Variants in PDSS2 observed in about 807,000 individuals in gnomAD.
PDSS2 encodes the protein all trans-polyprenyl-diphosphate synthase PDSS2.
A neutral mutation model predicts 44.5 loss-of-function variants in PDSS2; 31 were observed. The ratio of observed to expected loss-of-function variants is 0.70; its 90% CI spans 0.52 to 0.94. The LOEUF is 0.94. Among genes scored for constraint, PDSS2 ranks in the 40% least tolerant of loss-of-function variants. PDSS2 has a pLI of 0.00. For synonymous variants in PDSS2, 157 were observed against 180.3 expected (o/e 0.87, Z 1.03); for missense variants, 452 against 482.2 (o/e 0.94, Z 0.59).
At chr6:107,262,920 C>T (rs1775290510) in intron 3 of PDSS2, among the ~76,000 whole-genome samples, 1 of 151,750 alleles carries the variant, frequency 6.6e-6, no homozygotes, top group Non-Finnish European at 1.5e-5. Context: ...GTAGTGAGAC[C>T]TTGTCTCTAT....
intron 2 of PDSS2, among the ~76,000 whole-genome samples, chr6:107,286,965 G>T (rs932893073): frequency 6.6e-6 from 1 of 152,200 alleles, no homozygotes; most frequent in South Asian, 2.1e-4. Flanking sequence ...GCTTGAACCC[G>T]GGAGGTGGAG....
At position 107,403,024 on chromosome 6, in the gene PDSS2, A is replaced by C. The variant is rs112829377; in HGVS notation, c.296+55966T>G. Among the ~76,000 whole-genome samples, 1,401 of 152,304 alleles carry C rather than the reference A, an allele frequency of 9.2e-3. 18 individuals carry two copies. Among genetic ancestry groups the C allele is most frequent in the African/African-American group, 0.029 (1,202 of 41,558 alleles). On this transcript the variant is annotated intron_variant, in intron 1 of 7. Transcript: ENST00000369037. Reference sequence around the variant, plus strand: ...CAAAGACTTAGCTCATTACAGCATTAAACCAAAAGTCGAAGTCCAAAGTTT... The same window carrying C: ...CAAAGACTTAGCTCATTACAGCATTCAACCAAAAGTCGAAGTCCAAAGTTT...
intron 1 of PDSS2, among the ~76,000 whole-genome samples, chr6:107,412,179 C>T (rs1371164353): frequency 3.4e-5 from 5 of 147,498 alleles, no homozygotes; most frequent in African/African-American, 1.0e-4. Flanking sequence ...TCAGCCACCG[C>T]GCCTGGCAAC....
At chr6:107,200,407 G>T (rs1772728873) in intron 6 of PDSS2, among the ~76,000 whole-genome samples, 1 of 152,122 alleles carries the variant, frequency 6.6e-6, no homozygotes, top group Admixed American at 6.5e-5. Flanking sequence ...TGGATGTATT[G>T]GAATCACCTG....
chr6:107,386,419 T>C (rs1779614529), intron 1 of PDSS2, among the ~76,000 whole-genome samples: 1 of 151,772 alleles, frequency 6.6e-6, no homozygotes, highest in Non-Finnish European at 1.5e-5. Context: ...GGATCCTATA[T>C]TTAAGTGTTA....
intron 3 of PDSS2, among the ~76,000 whole-genome samples, chr6:107,260,321 C>T (rs1037077185): frequency 5.3e-5 from 8 of 152,172 alleles, no homozygotes; most frequent in Non-Finnish European, 8.8e-5. Context: ...TATAAACCAA[C>T]TTTGGCTTAG....
At chr6:107,373,971 C>T (rs1236407627) in intron 1 of PDSS2, among the ~76,000 whole-genome samples, 1 of 152,056 alleles carries the variant, frequency 6.6e-6, no homozygotes, top group Admixed American at 6.6e-5. Context: ...AAAATTATCA[C>T]CAGCTGGGTG....
chr6:107,380,776 T>C (rs904881324), intron 1 of PDSS2, among the ~76,000 whole-genome samples: 4 of 152,226 alleles, frequency 2.6e-5, no homozygotes, highest in East Asian at 1.9e-4. Context: ...AATTATCTGA[T>C]AAATCTATTA....
At chr6:107,203,188 A>G (rs1772846819) in intron 6 of PDSS2, among the ~76,000 whole-genome samples, 1 of 152,170 alleles carries the variant, frequency 6.6e-6, no homozygotes, top group South Asian at 2.1e-4. Context: ...CACCATGTCA[A>G]GAACCTAAGT....
intron 7 of PDSS2, among the ~76,000 whole-genome samples, chr6:107,161,428 C>T (rs1420878912): frequency 1.3e-5 from 2 of 149,406 alleles, no homozygotes; most frequent in Non-Finnish European, 3.0e-5. Flanking sequence ...TGCAGTGAGC[C>T]GAGATTGTGC....
At chr6:107,272,589 T>C (rs891488075) in intron 3 of PDSS2, among the ~76,000 whole-genome samples, 4 of 152,248 alleles carry the variant, frequency 2.6e-5, no homozygotes, top group African/African-American at 9.6e-5. Flanking sequence ...TCCTATCTTA[T>C]AGGGCACTGT....
At chr6:107,319,027 T>TAC (rs947650535) in intron 2 of PDSS2, among the ~76,000 whole-genome samples, 67 of 82,506 alleles carry the variant, frequency 8.1e-4, no homozygotes, top group Admixed American at 3.0e-3. Context: ...CACACACACA[T>TAC]ACACACACAC....
At chr6:107,305,139 T>C (rs1776815351) in intron 2 of PDSS2, among the ~76,000 whole-genome samples, 1 of 152,166 alleles carries the variant, frequency 6.6e-6, no homozygotes, top group Non-Finnish European at 1.5e-5. Context: ...CAGACAATGC[T>C]TCTACAATCA....
At chr6:107,186,013 T>G (rs1040392251) in intron 7 of PDSS2, among the ~76,000 whole-genome samples, 1 of 152,218 alleles carries the variant, frequency 6.6e-6, no homozygotes, top group African/African-American at 2.4e-5. Context: ...AGGTAAGATA[T>G]TCCTTGTTTT....
intron 1 of PDSS2, among the ~76,000 whole-genome samples, chr6:107,354,188 T>C (rs147887855): frequency 7.6e-4 from 116 of 152,358 alleles, no homozygotes; most frequent in African/African-American, 2.7e-3. Context: ...ATAGTCTACC[T>C]TGGCAAGACT....
intron 2 of PDSS2, among the ~76,000 whole-genome samples, chr6:107,332,846 T>A (rs1044411052): frequency 6.6e-6 from 1 of 152,234 alleles, no homozygotes; most frequent in African/African-American, 2.4e-5. Flanking sequence ...ATATGAACCA[T>A]TTCAGAGTGA....
At chr6:107,417,751 C>T (rs1780705175) in intron 1 of PDSS2, among the ~76,000 whole-genome samples, 2 of 149,294 alleles carry the variant, frequency 1.3e-5, no homozygotes. Flanking sequence ...AAGAGTGAGA[C>T]CCTATCTTCA....
chr6:107,313,565 C>T (rs1367143673), intron 2 of PDSS2, among the ~76,000 whole-genome samples: 1 of 151,950 alleles, frequency 6.6e-6, no homozygotes, highest in African/African-American at 2.4e-5. Context: ...GTCGGCCAGG[C>T]TGGTCTCGAA....
At chr6:107,164,160 T>TA (rs200996183) in intron 7 of PDSS2, among the ~76,000 whole-genome samples, 72 of 131,078 alleles carry the variant, frequency 5.5e-4, no homozygotes, top group African/African-American at 1.2e-3. Context: ...GGTTTATACT[T>TA]AAAAAAAATT....
Sources: allele counts gnomAD v4.1 joint callset (sites outside exome capture counted in the v4.1 genomes callset), GRCh38; gene constraint gnomAD v4.1.1; transcripts MANE v1.5; gene names NCBI Gene and HGNC (gene_info 2026-07-23, HGNC 2026-07-21).